MAGI1: variants seen among roughly 807,000 people sequenced by gnomAD.
MAGI1 encodes membrane-associated guanylate kinase, WW and PDZ domain-containing protein 1.
MAGI1 carries 58 observed loss-of-function variants against 139.9 expected under a neutral mutation model. The observed-to-expected ratio is 0.41, with a 90% CI of 0.34 to 0.52. The LOEUF (loss-of-function observed/expected upper bound fraction) is 0.52. Among genes scored for constraint, MAGI1 ranks in the 20% least tolerant of loss-of-function variants. MAGI1 has a pLI of 0.12. For synonymous variants in MAGI1, 812 were observed against 737.9 expected (o/e 1.10, Z -1.63); for missense variants, 1,874 against 1,901.6 (o/e 0.99, Z 0.27).
chr3:65,833,592 C>T (rs954509906), intron 1 of MAGI1, among the ~76,000 whole-genome samples: 11 of 152,124 alleles, frequency 7.2e-5, no homozygotes, highest in Admixed American at 3.9e-4. Context: ...TAATCATCGA[C>T]GACTTACCTA....
chr3:65,639,365 T>C (rs535602907), intron 1 of MAGI1, among the ~76,000 whole-genome samples: 10 of 152,330 alleles, frequency 6.6e-5, no homozygotes, highest in South Asian at 6.2e-4. Flanking sequence ...TTCTCTATTA[T>C]TAATTTACTA....
chr3:65,542,432 A>G (rs1443063074), intron 2 of MAGI1, among the ~76,000 whole-genome samples: 1 of 152,236 alleles, frequency 6.6e-6, no homozygotes, highest in Non-Finnish European at 1.5e-5. Context: ...TAAATTTCAT[A>G]TGGAACCCAA....
intron 1 of MAGI1, among the ~76,000 whole-genome samples, chr3:65,963,597 C>T (rs1440812052): frequency 6.6e-6 from 1 of 152,106 alleles, no homozygotes; most frequent in South Asian, 2.1e-4. Flanking sequence ...GCCTAGGTGA[C>T]AAAGCGAGAC....
At chr3:65,978,621 C>CT (rs373662388) in intron 1 of MAGI1, among the ~76,000 whole-genome samples, 93,918 of 129,000 alleles carry the variant, frequency 0.73, 34,898 homozygotes, top group Admixed American at 0.83. Flanking sequence ...CTCAAAATTT[C>CT]TTTTTTTTTT....
intron 1 of MAGI1, among the ~76,000 whole-genome samples, chr3:65,999,672 T>A (rs1281874642): frequency 6.6e-6 from 1 of 152,192 alleles, no homozygotes; most frequent in Non-Finnish European, 1.5e-5. Flanking sequence ...CTTTCTTTAT[T>A]ATCTGATTGC....
chr3:65,687,168 G>A (rs2088120040), intron 1 of MAGI1: 1 of 156,550 alleles, frequency 6.4e-6, no homozygotes, highest in East Asian at 1.9e-4. Flanking sequence ...GCTGAGGCAG[G>A]AGGATCGCAT....
chr3:65,677,549 C>T, intron 1 of MAGI1, among the ~76,000 whole-genome samples: 1 of 152,182 alleles, frequency 6.6e-6, no homozygotes, highest in East Asian at 1.9e-4. Flanking sequence ...AGAAGAATCT[C>T]AGCATGTGGA....
chr3:65,735,096 A>G (rs1204495502), intron 1 of MAGI1, among the ~76,000 whole-genome samples: 1 of 152,200 alleles, frequency 6.6e-6, no homozygotes, highest in African/African-American at 2.4e-5. Context: ...ACAAAGCTAA[A>G]TTTAAATATC....
chr3:65,517,502 CTG>C (rs1407610461), intron 2 of MAGI1, among the ~76,000 whole-genome samples: 4 of 152,218 alleles, frequency 2.6e-5, no homozygotes, highest in Admixed American at 1.3e-4. Context: ...AGTCTACAAA[CTG>C]TATTTCCCAG....
intron 1 of MAGI1, among the ~76,000 whole-genome samples, chr3:65,825,901 T>C (rs1010472476): frequency 6.6e-6 from 1 of 152,050 alleles, no homozygotes; most frequent in Non-Finnish European, 1.5e-5. Context: ...GGCAGGAGAA[T>C]TGCTTGAACC....
chr3:65,482,724 G>T (rs971483710), intron 3 of MAGI1, among the ~76,000 whole-genome samples: 2 of 152,202 alleles, frequency 1.3e-5, no homozygotes, highest in Non-Finnish European at 2.9e-5. Flanking sequence ...TTTTCTAACT[G>T]CAGAGTGTTC....
chr3:65,741,430 TC>T (rs2035259494), intron 1 of MAGI1, among the ~76,000 whole-genome samples: 1 of 152,204 alleles, frequency 6.6e-6, no homozygotes, highest in East Asian at 1.9e-4. Context: ...CGCCTCGGCC[TC>T]CCAAAGTGCT....
At chr3:65,764,332 A>AT (rs1366434993) in intron 1 of MAGI1, among the ~76,000 whole-genome samples, 1 of 152,006 alleles carries the variant, frequency 6.6e-6, no homozygotes, top group Non-Finnish European at 1.5e-5. Context: ...TATGGTTGTG[A>AT]TTCATTCTCT....
intron 1 of MAGI1, among the ~76,000 whole-genome samples, chr3:65,883,663 T>A (rs2060422033): frequency 6.6e-6 from 1 of 152,340 alleles, no homozygotes; most frequent in Non-Finnish European, 1.5e-5. Flanking sequence ...CATCAGACTA[T>A]CCAGTTGTGA....
intron 5 of MAGI1, among the ~76,000 whole-genome samples, chr3:65,454,746 A>G (rs911128917): frequency 1.1e-4 from 17 of 150,318 alleles, no homozygotes; most frequent in Middle Eastern, 3.5e-3. Flanking sequence ...CATATGGCTT[A>G]AGAGAAAAAC....
chr3:65,698,616 G>C (rs1440053583), intron 1 of MAGI1, among the ~76,000 whole-genome samples: 1 of 152,096 alleles, frequency 6.6e-6, no homozygotes, highest in Admixed American at 6.6e-5. Context: ...AGAAAAACAA[G>C]CAATTGGGAA....
intron 1 of MAGI1, among the ~76,000 whole-genome samples, chr3:66,029,706 G>T (rs2068491174): frequency 6.6e-6 from 1 of 152,104 alleles, no homozygotes; most frequent in African/African-American, 2.4e-5. Flanking sequence ...GGAACTTCCT[G>T]GGAGCACCTC....
intron 1 of MAGI1, among the ~76,000 whole-genome samples, chr3:66,032,107 G>T (rs2068633943): frequency 6.6e-6 from 1 of 152,114 alleles, no homozygotes; most frequent in African/African-American, 2.4e-5. Context: ...AAGACAAATC[G>T]AGAGAAAGGG....
intron 22 of MAGI1, 136 bp from the exon 23 acceptor site, chr3:65,357,268 T>G: frequency 1.1e-6 from 1 of 873,314 alleles, no homozygotes; most frequent in Non-Finnish European, 1.7e-6. Context: ...CAAAGCCAAC[T>G]GAATCTGTTA....
Sources: allele counts gnomAD v4.1 joint callset (sites outside exome capture counted in the v4.1 genomes callset), GRCh38; gene constraint gnomAD v4.1.1; transcripts MANE v1.5; gene names NCBI Gene and HGNC (gene_info 2026-07-23, HGNC 2026-07-21).